The following CEACAM6 variants were observed in gnomAD, a reference collection of about 807,000 sequenced individuals.
CEACAM6 encodes the protein cell adhesion molecule CEACAM6.
In CEACAM6, 21 loss-of-function variants were observed where a neutral mutation model predicts 32.4. The ratio of observed to expected loss-of-function variants is 0.65; its 90% confidence interval spans 0.46 to 0.93. The LOEUF is 0.93. CEACAM6 is among the 40% of genes least tolerant of loss of function. The pLI, the probability that CEACAM6 is intolerant of heterozygous loss-of-function variation, is 0.00. For synonymous variants in CEACAM6, 184 were observed against 174.4 expected, an observed-to-expected ratio of 1.06 and a Z score of -0.43; for missense variants, 406 against 432.2, an observed-to-expected ratio of 0.94 and a Z score of 0.54.
At position 41,755,544 on chromosome 19, in the gene CEACAM6, G is replaced by A; in HGVS notation, c.-95G>A. The A allele has an allele frequency of 8.4e-7, 1 of 1,190,258 alleles. No individual in the cohort carries two copies. Among genetic ancestry groups the A allele is most frequent in the Non-Finnish European group, 1.2e-6 (1 of 807,910 alleles). The allele number at this position is 1,190,258 out of a possible 1,614,324, so 73.7% of individuals were successfully genotyped here. On this transcript the variant is annotated 5_prime_UTR_variant, in exon 1 of 6. Transcript: ENST00000199764. Reference sequence around the variant, plus strand: ...GGAGGCTCAGCACAGAAGGAGGAAGGACAGCAGGGCCAACAGTCACAGCAG... The same window carrying A: ...GGAGGCTCAGCACAGAAGGAGGAAGAACAGCAGGGCCAACAGTCACAGCAG...
rs2072996055 is a variant in CEACAM6, at chr19:41,771,798, A to G, written c.*1037A>G. The G allele has an allele frequency of 6.6e-6, 1 of 152,248 alleles. No individual in the cohort carries two copies. Among genetic ancestry groups the G allele is most frequent in the South Asian group, 2.1e-4 (1 of 4,832 alleles). 9.4% of individuals were successfully genotyped at this position (152,248 alleles called of 1,614,324 possible). ...AAGGATAAAAGCCCCAAATGGTGGT[A>G]ACTGATAATAGCACTAATGCTTTAA... On this transcript the variant is annotated 3_prime_UTR_variant, in exon 6 of 6. Coordinates refer to ENST00000199764, the MANE Select transcript of CEACAM6 (RefSeq NM_002483.7).
Position 41,756,785 on chromosome 19 carries a change from A to G in CEACAM6, c.250A>G (p.Ile84Val). The change falls in exon 2 of 6, where the codon ATA (isoleucine) becomes GTA (valine). Residue 84 changes from isoleucine to valine, a missense_variant. Coordinates refer to ENST00000199764, the MANE Select transcript of CEACAM6 (RefSeq NM_002483.7). ...DGNSLIVGYV[I>V]GTQQATPGPA... Reference sequence around the variant, plus strand: ...CAACAGTCTAATTGTAGGATATGTAATAGGAACTCAACAAGCTACCCCAGG... The same window carrying G: ...CAACAGTCTAATTGTAGGATATGTAGTAGGAACTCAACAAGCTACCCCAGG... 1.2e-6 allele frequency: 2 copies of G among 1,614,110 alleles called. No homozygotes were observed. Among genetic ancestry groups the G allele is most frequent in the South Asian group, 1.1e-5 (1 of 91,074 alleles).
chr19:41,764,851 TGTAA>T (rs538856261), intron 4 of CEACAM6, among the ~76,000 whole-genome samples: 318 of 152,356 alleles, frequency 2.1e-3, no homozygotes, highest in African/African-American at 7.5e-3. Context: ...CTCTCTTTAA[TGTAA>T]GTATTTACCA....
At chr19:41,764,914 T>C (rs1406822564) in intron 4 of CEACAM6, among the ~76,000 whole-genome samples, 3 of 152,214 alleles carry the variant, frequency 2.0e-5, no homozygotes, top group Non-Finnish European at 2.9e-5. Context: ...CCTTCAATTC[T>C]TCAACTGAAA....
At chr19:41,755,780 C>A (rs901969411) in intron 1 of CEACAM6, 78 bp downstream of exon 1, 1 of 1,255,254 alleles carries the variant, frequency 8.0e-7, no homozygotes, top group Non-Finnish European at 1.1e-6. Flanking sequence ...GAGGACAAGG[C>A]TCTGAGAGGA....
In CEACAM6 at chr19:41,756,722, A is replaced by G. The variant is rs1555821134; in HGVS notation, c.187A>G (p.Ile63Val). 6.2e-7 allele frequency: 1 copy of G among 1,614,110 alleles called. No individual in the cohort carries two copies. The highest frequency in any genetic ancestry group is 8.5e-7 in the Non-Finnish European group (1 of 1,180,022). The change falls in exon 2 of 6, where the codon ATT becomes GTT. Residue 63 changes from isoleucine (I) to valine (V), a missense_variant. By Grantham distance (29) the Ile-to-Val change is conservative. Coordinates refer to ENST00000199764, the MANE Select transcript of CEACAM6 (RefSeq NM_002483.7). ...CGCCCACAACCTGCCCCAGAATCGT[A>G]TTGGTTACAGCTGGTACAAAGGCGA... ...LLAHNLPQNR[I>V]GYSWYKGERV...
Position 41,766,267 on chromosome 19 carries a change from G to T in CEACAM6, c.*8G>T. ...AGGGTGGCTCTGATATAGCAGCCCTGGTGTATTTTCGATATTTCAGGAAGA... is the reference window on the plus strand; with the variant it reads ...AGGGTGGCTCTGATATAGCAGCCCTTGTGTATTTTCGATATTTCAGGAAGA... On this transcript the variant is annotated 3_prime_UTR_variant, in exon 5 of 6. Transcript: ENST00000199764. 6.3e-7 allele frequency: 1 copy of T among 1,580,368 alleles called. No individual in the cohort carries two copies. The highest frequency in any genetic ancestry group is 2.3e-5 in the East Asian group (1 of 42,568).
rs1315970577 is a variant in CEACAM6, at chr19:41,771,901, A to G, written c.*1140A>G. 8 of 152,200 alleles carry G rather than the reference A, an allele frequency of 5.3e-5. No homozygotes were observed. Among genetic ancestry groups the G allele is most frequent in the Admixed American group, 5.2e-4 (8 of 15,276 alleles). The allele number at this position is 152,200 out of a possible 1,614,324, so 9.4% of individuals were successfully genotyped here. A position where few individuals can be genotyped will look rare whatever the true frequency, so the allele number is the denominator to read the frequency against. On this transcript the variant is annotated 3_prime_UTR_variant, in exon 6 of 6. Coordinates refer to ENST00000199764, the MANE Select transcript of CEACAM6 (RefSeq NM_002483.7). Reference sequence around the variant, plus strand: ...GCTACATACTCCAACTGAAATGTTAAGGAAGAAGATAGATCCAATTAAAAA... The same window carrying G: ...GCTACATACTCCAACTGAAATGTTAGGGAAGAAGATAGATCCAATTAAAAA...
intron 4 of CEACAM6, among the ~76,000 whole-genome samples, chr19:41,765,892 A>C (rs1358925419): frequency 6.6e-6 from 1 of 152,258 alleles, no homozygotes; most frequent in Non-Finnish European, 1.5e-5. Flanking sequence ...AAAAAGATGC[A>C]AACATAAAAA....
intron 3 of CEACAM6, 142 bp downstream of exon 3, chr19:41,761,669 G>T: frequency 7.1e-7 from 1 of 1,406,192 alleles, no homozygotes; most frequent in South Asian, 1.3e-5. Flanking sequence ...GAGCAAACCT[G>T]GGCAGACCAG....
chr19:41,761,328 A>C lies in CEACAM6; in HGVS notation c.504A>C (p.Glu168Asp), dbSNP rs200014119. 3.7e-5 allele frequency: 59 copies of C among 1,614,010 alleles called. No homozygotes were observed. The highest frequency in any genetic ancestry group is 1.3e-5 in the African/African-American group (1 of 74,908). ...AGGATGCTGTGGCCTTCACCTGTGA[A>C]CCTGAGGTTCAGAACACAACCTACC... ...EDKDAVAFTC[E>D]PEVQNTTYLW... The change falls in exon 3 of 6, where the codon GAA (glutamate) becomes GAC (aspartate). Residue 168 changes from glutamate (E) to aspartate (D), a missense_variant. Glu to Asp is a conservative substitution (Grantham distance 45, BLOSUM62 2). Coordinates refer to ENST00000199764, the MANE Select transcript of CEACAM6 (RefSeq NM_002483.7).
intron 2 of CEACAM6, among the ~76,000 whole-genome samples, chr19:41,758,382 A>G (rs1354970422): frequency 2.0e-5 from 3 of 152,192 alleles, no homozygotes; most frequent in Non-Finnish European, 4.4e-5. Context: ...GAATGAAAAA[A>G]GGATCCATAA....
Position 41,771,168 on chromosome 19 carries a change from A to T in CEACAM6, c.*407A>T, listed in dbSNP as rs529266809. 2.7e-4 allele frequency: 41 copies of T among 152,336 alleles called. No individual in the cohort carries two copies. Among genetic ancestry groups the T allele is most frequent in the African/African-American group, 9.6e-4 (40 of 41,564 alleles). 9.4% of individuals were successfully genotyped at this position (152,336 alleles called of 1,614,324 possible). A position where few individuals can be genotyped will look rare whatever the true frequency, so the allele number is the denominator to read the frequency against. ...CTGTCATTAGTATTTCACAAGAAGT[A>T]GCTTCAGAGGGTAACTTAACAGAGT... On this transcript the variant is annotated 3_prime_UTR_variant, in exon 6 of 6. Transcript: ENST00000199764.
intron 5 of CEACAM6, among the ~76,000 whole-genome samples, chr19:41,768,813 G>A (rs1437201275): frequency 6.6e-6 from 1 of 152,210 alleles, no homozygotes; most frequent in Non-Finnish European, 1.5e-5. Flanking sequence ...CCGGGCAGAG[G>A]CGCCCCTCAC....
intron 1 of CEACAM6, 101 bp from the exon 2 acceptor site, chr19:41,756,495 CTCCA>C: frequency 1.3e-6 from 2 of 1,498,348 alleles, no homozygotes; most frequent in Non-Finnish European, 1.8e-6. Flanking sequence ...CACACACACG[CTCCA>C]ACGTGGAGGG....
chr19:41,756,904 A>C lies in CEACAM6; in HGVS notation c.369A>C (p.Gln123His). 4.3e-6 allele frequency: 7 copies of C among 1,613,722 alleles called. No individual in the cohort carries two copies. Among genetic ancestry groups the C allele is most frequent in the African/African-American group, 1.3e-5 (1 of 75,008 alleles). The change falls in exon 2 of 6, where the codon CAA becomes CAC. Residue 123 changes from glutamine to histidine, a missense_variant. Transcript: ENST00000199764. ...TQNDTGFYTL[Q>H]VIKSDLVNEE... ...ATGACACAGGATTCTATACCCTACA[A>C]GTCATAAAGTCAGATCTTGTGAATG... is the stretch of plus-strand genomic sequence containing the variant.
intron 2 of CEACAM6, among the ~76,000 whole-genome samples, chr19:41,757,453 T>C (rs1293132994): frequency 2.6e-5 from 4 of 152,160 alleles, no homozygotes; most frequent in African/African-American, 7.2e-5. Flanking sequence ...GGAGCAAGGA[T>C]GTGAGCTATC....
chr19:41,771,232 A>G lies in CEACAM6; in HGVS notation c.*471A>G, dbSNP rs140523026. On this transcript the variant is annotated 3_prime_UTR_variant, in exon 6 of 6. Transcript: ENST00000199764. ...TGTCAATCCCAACGTTTTACATAAAATAAGAGATCCTTTAGTGCACCCAGT... is the reference window on the plus strand; with the variant it reads ...TGTCAATCCCAACGTTTTACATAAAGTAAGAGATCCTTTAGTGCACCCAGT... 6.6e-6 allele frequency: 1 copy of G among 152,368 alleles called. No homozygotes were observed. The highest frequency in any genetic ancestry group is 1.9e-4 in the East Asian group (1 of 5,192). The allele number at this position is 152,368 out of a possible 1,614,324, so 9.4% of individuals were successfully genotyped here.
intron 4 of CEACAM6, among the ~76,000 whole-genome samples, chr19:41,765,821 A>G (rs1473728040): frequency 6.6e-6 from 1 of 152,222 alleles, no homozygotes; most frequent in African/African-American, 2.4e-5. Flanking sequence ...CTGTCCATCA[A>G]GTCCCTGCCA....
Sources: allele counts gnomAD v4.1 joint callset (sites outside exome capture counted in the v4.1 genomes callset), GRCh38; gene constraint gnomAD v4.1.1; transcripts MANE v1.5; gene names NCBI Gene and HGNC (gene_info 2026-07-23, HGNC 2026-07-21).